Variants in RYR3 observed in about 807,000 individuals in gnomAD.
RYR3 encodes the protein brain ryanodine receptor-calcium release channel.
RYR3 carries 207 observed loss-of-function variants against 584.3 expected under a neutral mutation model. The ratio of observed to expected loss-of-function variants is 0.35; its 90% CI spans 0.32 to 0.40. RYR3 has a LOEUF of 0.40. Ranked by LOEUF, RYR3 falls within the 10% of genes least tolerant of loss-of-function variation. The pLI is 1.00. For missense variants in RYR3, 5,616 were observed against 6,089.2 expected, an observed-to-expected ratio of 0.92 and a Z score of 2.59; for synonymous variants, 2,416 against 2,248.5, an observed-to-expected ratio of 1.07 and a Z score of -2.11.
intron 47 of RYR3, among the ~76,000 whole-genome samples, chr15:33,731,034 A>G (rs2068901534): frequency 6.6e-6 from 1 of 152,226 alleles, no homozygotes; most frequent in Admixed American, 6.5e-5. Context: ...TTACAGTTGT[A>G]AAATTACAGT....
At chr15:33,388,976 G>C (rs527722289) in intron 1 of RYR3, among the ~76,000 whole-genome samples, 2 of 149,300 alleles carry the variant, frequency 1.3e-5, no homozygotes, top group South Asian at 4.2e-4. Flanking sequence ...ATCATTCTCA[G>C]CAAACTATCA....
chr15:33,750,914 C>T (rs553924084), intron 57 of RYR3, among the ~76,000 whole-genome samples: 1 of 152,212 alleles, frequency 6.6e-6, no homozygotes, highest in South Asian at 2.1e-4. Flanking sequence ...ATGTTCCCCG[C>T]CCTGTGTCCA....
chr15:33,690,678 C>T (rs1328631789), intron 38 of RYR3, among the ~76,000 whole-genome samples: 1 of 152,126 alleles, frequency 6.6e-6, no homozygotes, highest in Middle Eastern at 3.2e-3. Context: ...CAATCACAGC[C>T]TCACTTCAGC....
chr15:33,645,562 A>G (rs1429805645), intron 28 of RYR3, among the ~76,000 whole-genome samples: 1 of 152,190 alleles, frequency 6.6e-6, no homozygotes, highest in Non-Finnish European at 1.5e-5. Context: ...GTTGGAGGTC[A>G]TGAACCCCTA....
intron 69 of RYR3, among the ~76,000 whole-genome samples, chr15:33,805,512 C>T (rs577682593): frequency 2.7e-5 from 4 of 145,838 alleles, no homozygotes; most frequent in East Asian, 4.1e-4. Flanking sequence ...GAGTCCTGCT[C>T]TGTCGCCCAG....
intron 38 of RYR3, among the ~76,000 whole-genome samples, chr15:33,674,124 T>C (rs986027466): frequency 5.9e-5 from 9 of 152,220 alleles, no homozygotes; most frequent in Non-Finnish European, 1.2e-4. Context: ...GCCTATTCAC[T>C]GAACAGCCTA....
At chr15:33,636,023 C>A (rs1361455544) in intron 26 of RYR3, among the ~76,000 whole-genome samples, 1 of 152,190 alleles carries the variant, frequency 6.6e-6, no homozygotes. Context: ...ACCCCAAATC[C>A]TTTCTACAAT....
At chr15:33,823,990 A>G (rs2077243868) in intron 81 of RYR3, among the ~76,000 whole-genome samples, 1 of 152,176 alleles carries the variant, frequency 6.6e-6, no homozygotes, top group Non-Finnish European at 1.5e-5. Context: ...GAGCTGCAGT[A>G]TAATTCTTTA....
intron 74 of RYR3, chr15:33,815,963 T>C (rs937535351): frequency 2.0e-5 from 8 of 398,378 alleles, no homozygotes; most frequent in Admixed American, 1.3e-4. Flanking sequence ...GACCTGCTCA[T>C]TCTCTGCACA....
intron 1 of RYR3, among the ~76,000 whole-genome samples, chr15:33,362,593 C>T (rs1294620542): frequency 6.6e-6 from 1 of 152,208 alleles, no homozygotes. Context: ...CAACTCCTAG[C>T]CTGGAAGCCA....
rs190414893 is a variant in RYR3 at position 33,510,282 on chromosome 15, C to T, written c.279+6544C>T. The stretch of plus-strand genomic sequence containing the variant: ...TACCAACTGGGCTTTAGGTTCCCCA[C>T]CTCTACATGACATCACTTAGATGCA... On this transcript the variant is annotated intron_variant, in intron 3 of 103. Coordinates refer to ENST00000634891, the MANE Select transcript of RYR3 (RefSeq NM_001036.6). Among the ~76,000 whole-genome samples the T allele has an allele frequency of 2.0e-5, 3 of 152,302 alleles. 1 individual carries two copies. Among genetic ancestry groups the T allele is most frequent in the Admixed American group, 2.0e-4 (3 of 15,304 alleles).
intron 27 of RYR3, among the ~76,000 whole-genome samples, chr15:33,642,296 G>A (rs550038540): frequency 2.6e-5 from 4 of 152,288 alleles, no homozygotes; most frequent in African/African-American, 7.2e-5. Flanking sequence ...CATGGAGAAT[G>A]GAATAGAGAG....
chr15:33,517,752 G>C (rs1478594421), intron 3 of RYR3, among the ~76,000 whole-genome samples: 2 of 152,146 alleles, frequency 1.3e-5, no homozygotes, highest in African/African-American at 4.8e-5. Flanking sequence ...GAATATTAAA[G>C]ATCAAACTCT....
chr15:33,701,610 A>T (rs2066307258), intron 42 of RYR3, among the ~76,000 whole-genome samples: 1 of 151,852 alleles, frequency 6.6e-6, no homozygotes, highest in South Asian at 2.1e-4. Flanking sequence ...CAGGATTCAC[A>T]GTGTGACCTT....
In RYR3 at chr15:33,838,811, C is replaced by G; in HGVS notation, c.12831C>G (p.Ile4277Met). Reference sequence around the variant, plus strand: ...AGGGGGAGAAGGGAGATACAGATATCATGTCAGACCTCTTTGGACTCCACC... The same window carrying G: ...AGGGGGAGAAGGGAGATACAGATATGATGTCAGACCTCTTTGGACTCCACC... ...FIKGEKGDTD[I>M]MSDLFGLHPK... The change falls in exon 89 of 104, where the codon ATC becomes ATG. Residue 4277 changes from isoleucine to methionine, a missense_variant. By Grantham distance (10) the Ile-to-Met change is conservative. Coordinates refer to ENST00000634891, the MANE Select transcript of RYR3 (RefSeq NM_001036.6). The G allele has an allele frequency of 6.8e-6, 11 of 1,613,918 alleles. No individual in the cohort carries two copies. Among genetic ancestry groups the G allele is most frequent in the Non-Finnish European group, 9.3e-6 (11 of 1,179,834 alleles).
chr15:33,715,753 G>C (rs1249309239), intron 43 of RYR3, among the ~76,000 whole-genome samples: 1 of 152,148 alleles, frequency 6.6e-6, no homozygotes, highest in Non-Finnish European at 1.5e-5. Flanking sequence ...GAGGAACACT[G>C]TGTCCTCACA....
At chr15:33,543,115 T>C (rs1291771301) in intron 7 of RYR3, among the ~76,000 whole-genome samples, 2 of 152,158 alleles carry the variant, frequency 1.3e-5, no homozygotes, top group African/African-American at 4.8e-5. Context: ...AGATTTGATC[T>C]GTTTGTTAAA....
chr15:33,650,451 C>G (rs1414245641), intron 31 of RYR3, among the ~76,000 whole-genome samples: 1 of 152,124 alleles, frequency 6.6e-6, no homozygotes, highest in Non-Finnish European at 1.5e-5. Flanking sequence ...TGACATTGGA[C>G]CCGTCACTTA....
At chr15:33,730,789 G>A (rs1746619937) in intron 47 of RYR3, among the ~76,000 whole-genome samples, 1 of 152,200 alleles carries the variant, frequency 6.6e-6, no homozygotes, top group African/African-American at 2.4e-5. Context: ...ACATCAAAGA[G>A]CATTGTAAGC....
Sources: allele counts gnomAD v4.1 joint callset (sites outside exome capture counted in the v4.1 genomes callset), GRCh38; gene constraint gnomAD v4.1.1; transcripts MANE v1.5; gene names NCBI Gene and HGNC (gene_info 2026-07-23, HGNC 2026-07-21).